The following CDX2 variants were observed in gnomAD, a reference collection of about 807,000 sequenced individuals.
The protein encoded by CDX2 is caudal type homeobox 2.
A neutral mutation model predicts 25.5 loss-of-function variants in CDX2; 7 were observed. The observed-to-expected ratio is 0.27, with a 90% CI of 0.16 to 0.52. CDX2 has a LOEUF of 0.52. CDX2 is among the 20% of genes least tolerant of loss of function. CDX2 has a pLI of 0.97. For missense variants in CDX2, 375 were observed against 431.4 expected (o/e 0.87, Z 1.16); for synonymous variants, 222 against 198.6 (o/e 1.12, Z -0.99).
In CDX2 at chr13:27,963,037, T is replaced by C. The variant is rs914339204; in HGVS notation, c.*78A>G. The C allele has an allele frequency of 1.5e-4, 221 of 1,473,796 alleles. No individual in the cohort carries two copies. Among genetic ancestry groups the C allele is most frequent in the Admixed American group, 7.6e-4 (33 of 43,510 alleles). The allele number at this position is 1,473,796 out of a possible 1,614,324, so 91.3% of individuals were successfully genotyped here. ...GGCTGTGGGTGGGAGGGGAGGGGTC[T>C]CTCCTGAGGAGTCTAGCAGAGTCCA... is the stretch of plus-strand genomic sequence containing the variant. On this transcript the variant is annotated 3_prime_UTR_variant, in exon 3 of 3. Coordinates refer to ENST00000381020, the MANE Select transcript of CDX2 (RefSeq NM_001265.6).
Position 27,961,344 on chromosome 13 carries a change from C to T in CDX2, c.*1771G>A, listed in dbSNP as rs1310017971. Reference sequence around the variant, plus strand: ...CGCCTCCGTGGGCGCGCTGATTAGGCTCTCGGATGTTGGTGGGAAGATCGA... The same window carrying T: ...CGCCTCCGTGGGCGCGCTGATTAGGTTCTCGGATGTTGGTGGGAAGATCGA... On this transcript the variant is annotated 3_prime_UTR_variant, in exon 3 of 3. Coordinates refer to ENST00000381020, the MANE Select transcript of CDX2 (RefSeq NM_001265.6). 1.3e-5 allele frequency among the ~76,000 whole-genome samples: 2 copies of T among 152,258 alleles called. No individual in the cohort carries two copies. Among genetic ancestry groups the T allele is most frequent in the African/African-American group, 4.8e-5 (2 of 41,470 alleles).
chr13:27,968,861 G>C lies in CDX2; in HGVS notation c.146C>G (p.Ala49Gly), dbSNP rs1164040208. The C allele has an allele frequency of 3.8e-6, 6 of 1,595,616 alleles. No homozygotes were observed. The African/African-American group carries it at 6.7e-5, about 18-fold the overall frequency. The change falls in exon 1 of 3, where the codon GCT (alanine) becomes GGT (glycine). Residue 49 changes from alanine (A) to glycine (G), a missense_variant. Around this residue, in one of 3 missense-constraint regions of CDX2, gnomAD observed 253 missense variants for 247.5 expected, o/e 1.02. Transcript: ENST00000381020. ...DYGGYHVAAA[A>G]AAAANLDSAQ... ...GCTGTCCAAGTTCGCTGCCGCTGCA[G>C]CTGCGGCCGCCACGTGGTAACCGCC...
In CDX2 at chr13:27,963,166, A is replaced by G. The variant is rs1235489970; in HGVS notation, c.891T>C (p.Pro297=). The change falls in exon 3 of 3, where the codon CCT becomes CCC. Residue 297 remains proline, a synonymous_variant. Transcript: ENST00000381020. The stretch of plus-strand genomic sequence containing the variant: ...CCCCCCCAGTTGGCCCCAGAACCCC[A>G]GGGACAGAGCCAGGCACTGAGGCTT... The part of the protein sequence containing the change: ...SLQASVPGSV[P]GVLGPTGGVL... 1.2e-6 allele frequency: 2 copies of G among 1,614,152 alleles called. No homozygotes were observed. Among genetic ancestry groups the G allele is most frequent in the Admixed American group, 1.7e-5 (1 of 60,024 alleles).
intron 1 of CDX2, among the ~76,000 whole-genome samples, chr13:27,966,861 C>T (rs1391754778): frequency 6.0e-4 from 92 of 152,182 alleles, no homozygotes; most frequent in Non-Finnish European, 3.1e-4. Context: ...AGGCCGCGTC[C>T]CCCCCTCCAC....
chr13:27,968,361 C>G, intron 1 of CDX2, 105 bp downstream of exon 1: 1 of 1,305,752 alleles, frequency 7.7e-7, no homozygotes, highest in Non-Finnish European at 9.8e-7. Context: ...AGCTCCCAGA[C>G]AGCCCGGGAC....
rs1289359662 is a variant in CDX2 at position 27,963,150 on chromosome 13, T to C, written c.907A>G (p.Thr303Ala). Reference sequence around the variant, plus strand: ...ACGGTGGGGTTTAGCACCCCCCCAGTTGGCCCCAGAACCCCAGGGACAGAG... The same window carrying C: ...ACGGTGGGGTTTAGCACCCCCCCAGCTGGCCCCAGAACCCCAGGGACAGAG... The part of the protein sequence containing the change: ...PGSVPGVLGP[T>A]GGVLNPTVTQ The change falls in exon 3 of 3, where the codon ACT (threonine) becomes GCT (alanine). Residue 303 changes from threonine (T) to alanine (A), a missense_variant. Physicochemically the swap from Thr to Ala is moderately conservative, Grantham distance 58. This residue lies in a region of CDX2 where 58 missense variants were observed against 59.4 expected (regional missense o/e 0.98). Coordinates refer to ENST00000381020, the MANE Select transcript of CDX2 (RefSeq NM_001265.6). 6.2e-7 allele frequency: 1 copy of C among 1,613,974 alleles called. No homozygotes were observed. Among genetic ancestry groups the C allele is most frequent in the Non-Finnish European group, 8.5e-7 (1 of 1,179,950 alleles).
Position 27,969,301 on chromosome 13 carries a change from C to G in CDX2, c.-295G>C, listed in dbSNP as rs1479351029. The G allele has an allele frequency of 2.1e-6, 1 of 475,960 alleles. No individual in the cohort carries two copies. The highest frequency in any genetic ancestry group is 3.7e-6 in the Non-Finnish European group (1 of 268,614). 29.5% of individuals were successfully genotyped at this position (475,960 alleles called of 1,614,324 possible). ...GCTGGCGTGCGGAGCCCCAGGCCGG[C>G]GGCCTTCCGTGATTAACGAGTGTTT... On this transcript the variant is annotated 5_prime_UTR_variant, in exon 1 of 3. Coordinates refer to ENST00000381020, the MANE Select transcript of CDX2 (RefSeq NM_001265.6).
rs1327710342 is a variant in CDX2 at position 27,963,046 on chromosome 13, G to T, written c.*69C>A. 1 of 1,524,680 alleles carries T rather than the reference G, an allele frequency of 6.6e-7. No homozygotes were observed. Among genetic ancestry groups the T allele is most frequent in the African/African-American group, 1.4e-5 (1 of 72,928 alleles). 94.4% of individuals were successfully genotyped at this position (1,524,680 alleles called of 1,614,324 possible). ...TGGGAGGGGAGGGGTCTCTCCTGAG[G>T]AGTCTAGCAGAGTCCACGCTCCTCA... On this transcript the variant is annotated 3_prime_UTR_variant, in exon 3 of 3. Coordinates refer to ENST00000381020, the MANE Select transcript of CDX2 (RefSeq NM_001265.6).
chr13:27,968,523 G>T lies in CDX2; in HGVS notation c.484C>A (p.Arg162=), dbSNP rs772263480. The part of the protein sequence containing the change: ...AAEQLSPGGQ[R]RNLCEWMRKP... ...CGCATCCACTCGCACAGGTTCCGCC[G>T]CTGGCCGCCGGGAGACAGCTGCTCG... The change falls in exon 1 of 3, where the codon CGG becomes AGG. Residue 162 remains arginine, a synonymous_variant. Coordinates refer to ENST00000381020, the MANE Select transcript of CDX2 (RefSeq NM_001265.6). 23 of 1,564,020 alleles carry T rather than the reference G, an allele frequency of 1.5e-5. No homozygotes were observed. The highest frequency in any genetic ancestry group is 1.9e-5 in the Non-Finnish European group (22 of 1,166,178).
Position 27,968,975 on chromosome 13 carries a change from A to T in CDX2, c.32T>A (p.Val11Glu). 6.2e-7 allele frequency: 1 copy of T among 1,603,678 alleles called. No homozygotes were observed. The highest frequency in any genetic ancestry group is 8.5e-7 in the Non-Finnish European group (1 of 1,179,138). ...GCGCACGGAGCTAGGGTACATGCTC[A>T]CGTCCTTGTCCAGGAGGTAGCTCAC... MYVSYLLDKDVSMYPSSVRHS... is the reference protein window; with the variant it reads MYVSYLLDKDESMYPSSVRHS... The change falls in exon 1 of 3, where the codon GTG (valine) becomes GAG (glutamate). Residue 11 changes from valine to glutamate, a missense_variant. By Grantham distance (121) the Val-to-Glu change is moderately radical. Coordinates refer to ENST00000381020, the MANE Select transcript of CDX2 (RefSeq NM_001265.6).
At chr13:27,966,563 G>A (rs550513701) in intron 1 of CDX2, among the ~76,000 whole-genome samples, 314 of 152,318 alleles carry the variant, frequency 2.1e-3, no homozygotes, top group Middle Eastern at 6.8e-3. Flanking sequence ...ACCCCGGGAG[G>A]GAGACTCGCC....
At position 27,969,292 on chromosome 13, in the gene CDX2, C is replaced by G; in HGVS notation, c.-286G>C. 1 of 480,646 alleles carries G rather than the reference C, an allele frequency of 2.1e-6. No individual in the cohort carries two copies. Among genetic ancestry groups the G allele is most frequent in the Non-Finnish European group, 3.7e-6 (1 of 271,884 alleles). 29.8% of individuals were successfully genotyped at this position (480,646 alleles called of 1,614,324 possible). On this transcript the variant is annotated 5_prime_UTR_variant, in exon 1 of 3. Transcript: ENST00000381020. ...CCGCCACAGGCTGGCGTGCGGAGCCCCAGGCCGGCGGCCTTCCGTGATTAA... is the reference window on the plus strand; with the variant it reads ...CCGCCACAGGCTGGCGTGCGGAGCCGCAGGCCGGCGGCCTTCCGTGATTAA...
At position 27,964,185 on chromosome 13, in the gene CDX2, A is replaced by C. The variant is rs1225576120; in HGVS notation, c.687+685T>G. The stretch of plus-strand genomic sequence containing the variant: ...GAGGCCGAGGCGGGTGGATCACCTG[A>C]GGCCAGGAGTTCGAGACTAGCCTGA... On this transcript the variant is annotated intron_variant, in intron 2 of 2. Coordinates refer to ENST00000381020, the MANE Select transcript of CDX2 (RefSeq NM_001265.6). This position sits in a 1 kb window ranked among gnomAD's most constrained non-coding sequence, Gnocchi z 4.7. Among the ~76,000 whole-genome samples the C allele has an allele frequency of 1.3e-5, 2 of 151,948 alleles. No individual in the cohort carries two copies. Among genetic ancestry groups the C allele is most frequent in the East Asian group, 3.9e-4 (2 of 5,178 alleles).
chr13:27,967,792 C>A (rs1038484782), intron 1 of CDX2, among the ~76,000 whole-genome samples: 4 of 152,202 alleles, frequency 2.6e-5, no homozygotes, highest in Non-Finnish European at 5.9e-5. Flanking sequence ...AGCCTTCCAG[C>A]TTTTGCTTGA....
chr13:27,967,731 C>G (rs1036497174), intron 1 of CDX2, among the ~76,000 whole-genome samples: 1 of 152,218 alleles, frequency 6.6e-6, no homozygotes. Context: ...GGGTTTCCTC[C>G]CCGTCTCCCT....
rs543853692 is a variant in CDX2, at chr13:27,963,002, G to A, written c.*113C>T. 136 of 1,291,796 alleles carry A rather than the reference G, an allele frequency of 1.1e-4. No individual in the cohort carries two copies. Among genetic ancestry groups the A allele is most frequent in the Non-Finnish European group, 7.1e-6 (7 of 990,210 alleles). The allele number at this position is 1,291,796 out of a possible 1,614,324, so 80.0% of individuals were successfully genotyped here. On this transcript the variant is annotated 3_prime_UTR_variant, in exon 3 of 3. Coordinates refer to ENST00000381020, the MANE Select transcript of CDX2 (RefSeq NM_001265.6). ...CATTTTTCCTCTGAGAGCCAGGTCT[G>A]TAGGTCTATGGCTGTGGGTGGGAGG...
intron 1 of CDX2, 141 bp downstream of exon 1, chr13:27,968,325 T>C (rs1401267406): frequency 2.6e-5 from 28 of 1,076,762 alleles, no homozygotes; most frequent in Non-Finnish European, 3.4e-5. Context: ...CGAATTTGTC[T>C]CCGGGCCGTG....
In CDX2 at chr13:27,964,444, G is replaced by T. The variant is rs1869211749; in HGVS notation, c.687+426C>A. On this transcript the variant is annotated intron_variant, in intron 2 of 2. Transcript: ENST00000381020. This position sits in a 1 kb window ranked among gnomAD's most constrained non-coding sequence, Gnocchi z 4.7. Reference sequence around the variant, plus strand: ...GCATGTACTCCAGGCCAGGCATGGTGGTTCACACCGGTAATCTCAGCACTT... The same window carrying T: ...GCATGTACTCCAGGCCAGGCATGGTTGTTCACACCGGTAATCTCAGCACTT... 6.6e-6 allele frequency among the ~76,000 whole-genome samples: 1 copy of T among 152,276 alleles called. No individual in the cohort carries two copies. The highest frequency in any genetic ancestry group is 2.1e-4 in the South Asian group (1 of 4,824).
In CDX2 at chr13:27,968,539, C is replaced by A. The variant is rs759460982; in HGVS notation, c.468G>T (p.Leu156=). ...GGTTCCGCCGCTGGCCGCCGGGAGA[C>A]AGCTGCTCGGCGGCAGCGGTGGCGG... ...GPAATAAAEQ[L]SPGGQRRNLC... The change falls in exon 1 of 3, where the codon CTG becomes CTT. Residue 156 remains leucine (L), a synonymous_variant. Transcript: ENST00000381020. 1.3e-6 allele frequency: 2 copies of A among 1,566,410 alleles called. No homozygotes were observed. The highest frequency in any genetic ancestry group is 2.8e-5 in the African/African-American group (2 of 70,800).
Sources: allele counts gnomAD v4.1 joint callset (sites outside exome capture counted in the v4.1 genomes callset), GRCh38; gene constraint gnomAD v4.1.1; regional missense constraint gnomAD v4.1.1; non-coding constraint Gnocchi (gnomAD v3.1); transcripts MANE v1.5; gene names NCBI Gene and HGNC (gene_info 2026-07-23, HGNC 2026-07-21).